The following EYA4 variants were observed in gnomAD, a reference collection of about 807,000 sequenced individuals.
EYA4 encodes the protein protein phosphatase EYA4.
Under a neutral mutation model 87.9 loss-of-function variants are expected in EYA4, and 31 were observed. That is an observed-to-expected ratio of 0.35 (90% CI 0.27 to 0.48). The LOEUF (loss-of-function observed/expected upper bound fraction) is 0.48. EYA4 is among the 20% of genes least tolerant of loss of function. The pLI, the probability that EYA4 is intolerant of heterozygous loss-of-function variation, is 0.99. For missense variants in EYA4, 678 were observed against 761.4 expected (o/e 0.89, Z 1.29); for synonymous variants, 263 against 270.6 (o/e 0.97, Z 0.28).
At chr6:133,254,103 A>G (rs1775145638) in intron 1 of EYA4, among the ~76,000 whole-genome samples, 1 of 152,092 alleles carries the variant, frequency 6.6e-6, no homozygotes, top group African/African-American at 2.4e-5. Context: ...CCAAAGTATT[A>G]CTGATTTTCT....
chr6:133,242,924 C>T (rs946274583), intron 1 of EYA4, among the ~76,000 whole-genome samples: 26 of 152,260 alleles, frequency 1.7e-4, no homozygotes, highest in African/African-American at 6.0e-4. Context: ...CACCGCGTCT[C>T]CTGCGCCTCT....
intron 2 of EYA4, among the ~76,000 whole-genome samples, chr6:133,302,643 C>T (rs1318710275): frequency 6.6e-6 from 1 of 152,172 alleles, no homozygotes; most frequent in Non-Finnish European, 1.5e-5. Context: ...CACATGCTTA[C>T]ACAACAACTT....
chr6:133,486,277 G>A (rs1395540353), intron 13 of EYA4, among the ~76,000 whole-genome samples: 1 of 151,726 alleles, frequency 6.6e-6, no homozygotes, highest in East Asian at 1.9e-4. Context: ...CAGAAAATCG[G>A]CACTGCCTTT....
chr6:133,283,976 A>G (rs1323242925), intron 2 of EYA4, among the ~76,000 whole-genome samples: 1 of 152,106 alleles, frequency 6.6e-6, no homozygotes, highest in Admixed American at 6.6e-5. Context: ...ACTTAAGATA[A>G]TGGCCTTCAG....
chr6:133,379,498 T>C (rs1476675012), intron 2 of EYA4, among the ~76,000 whole-genome samples: 3 of 152,172 alleles, frequency 2.0e-5, no homozygotes, highest in Non-Finnish European at 4.4e-5. Context: ...AATTTGAAGA[T>C]GTCATAAAAT....
chr6:133,511,355 T>C (rs1381358498), intron 14 of EYA4, among the ~76,000 whole-genome samples: 6 of 152,098 alleles, frequency 3.9e-5, no homozygotes, highest in Non-Finnish European at 8.8e-5. Context: ...CTAAGCACTA[T>C]GTATATAGTC....
At position 133,324,545 on chromosome 6, in the gene EYA4, T is replaced by C. The variant is rs140239108; in HGVS notation, c.33+49732T>C. Among the ~76,000 whole-genome samples, 87 of 152,268 alleles carry C rather than the reference T, an allele frequency of 5.7e-4. No individual in the cohort carries two copies. The Middle Eastern group carries it at 0.014, about 24-fold the overall frequency. On this transcript the variant is annotated intron_variant, in intron 2 of 19. Transcript: ENST00000355286. ...ACAATATATAACTGCAATTCCTATT[T>C]TGGTTTTATGAATTATTTTTTCTAT...
intron 19 of EYA4, among the ~76,000 whole-genome samples, chr6:133,528,192 G>A (rs1800790288): frequency 6.6e-6 from 1 of 152,126 alleles, no homozygotes; most frequent in African/African-American, 2.4e-5. Context: ...TCCCAGACAA[G>A]TAAGAAAGTT....
chr6:133,402,505 A>G (rs1788351240), intron 3 of EYA4, among the ~76,000 whole-genome samples: 1 of 152,206 alleles, frequency 6.6e-6, no homozygotes. Context: ...TTCTAAAGTG[A>G]GAATCTAGCT....
chr6:133,526,876 C>G (rs1800681947), intron 19 of EYA4, among the ~76,000 whole-genome samples: 1 of 152,174 alleles, frequency 6.6e-6, no homozygotes, highest in South Asian at 2.1e-4. Flanking sequence ...ATTTACATGT[C>G]TTTTAGCCTA....
chr6:133,243,400 T>C lies in EYA4; in HGVS notation c.-66+1651T>C, dbSNP rs539429805. ...CCTCTTCTCATCTGTGGCCACTTTG[T>C]GAACCCTCGGGTGTTTGTCAGTTTC... On this transcript the variant is annotated intron_variant, in intron 1 of 19. Transcript: ENST00000355286. Among the ~76,000 whole-genome samples, 49 of 152,302 alleles carry C rather than the reference T, an allele frequency of 3.2e-4. No homozygotes were observed. The South Asian group carries it at 9.1e-3, about 28-fold the overall frequency.
chr6:133,374,357 G>C (rs1785505052), intron 2 of EYA4, among the ~76,000 whole-genome samples: 1 of 151,862 alleles, frequency 6.6e-6, no homozygotes, highest in Admixed American at 6.6e-5. Flanking sequence ...CCCAAACCAG[G>C]GTCCTGGAAG....
chr6:133,280,411 CTTTT>C (rs999656843), intron 2 of EYA4, among the ~76,000 whole-genome samples: 1 of 151,320 alleles, frequency 6.6e-6, no homozygotes, highest in Non-Finnish European at 1.5e-5. Flanking sequence ...TTTCTTTTTT[CTTTT>C]TTTTTGTTTG....
chr6:133,380,617 A>C (rs1301954213), intron 2 of EYA4, among the ~76,000 whole-genome samples: 1 of 152,106 alleles, frequency 6.6e-6, no homozygotes, highest in Non-Finnish European at 1.5e-5. Context: ...TTCATTGGGC[A>C]GTTCATATAG....
chr6:133,357,382 T>C (rs959104007), intron 2 of EYA4, among the ~76,000 whole-genome samples: 3 of 152,146 alleles, frequency 2.0e-5, no homozygotes, highest in Non-Finnish European at 4.4e-5. Flanking sequence ...ACCTTTGTAT[T>C]ATTCTCACAA....
Position 133,529,993 on chromosome 6 carries a change from G to A in EYA4, c.*1188G>A. ...CATAAAATTCACATTGAGTGCACAG[G>A]GCTTAAAATAAAGCTAAGTATGTTT... On this transcript the variant is annotated 3_prime_UTR_variant, in exon 20 of 20. Transcript: ENST00000355286. 3 of 985,230 alleles carry A rather than the reference G, an allele frequency of 3.0e-6. No homozygotes were observed. The South Asian group carries it at 1.4e-4, about 46-fold the overall frequency. The allele number at this position is 985,230 out of a possible 1,614,324, so 61.0% of individuals were successfully genotyped here.
Position 133,482,887 on chromosome 6 carries a change from A to T in EYA4, c.1108-145A>T, listed in dbSNP as rs1342527702. 6.6e-5 allele frequency: 45 copies of T among 684,132 alleles called. No homozygotes were observed. In the East Asian group the frequency reaches 1.2e-3, roughly 18 times the overall value. 42.4% of individuals were successfully genotyped at this position (684,132 alleles called of 1,614,324 possible). On this transcript the variant is annotated intron_variant, in intron 12 of 19. Transcript: ENST00000355286. ...GCTTTATAGGAGTTAGATTTGGCAA[A>T]TTTGAAAAACAAAAAAATGAATAGT... is the stretch of plus-strand genomic sequence containing the variant.
intron 2 of EYA4, among the ~76,000 whole-genome samples, chr6:133,345,271 G>A (rs939748801): frequency 1.3e-5 from 2 of 152,092 alleles, no homozygotes; most frequent in Non-Finnish European, 2.9e-5. Context: ...CTGTTATGTG[G>A]AGGGAAAGTT....
chr6:133,437,899 A>G (rs1583278090), intron 3 of EYA4, among the ~76,000 whole-genome samples: 1 of 152,352 alleles, frequency 6.6e-6, no homozygotes, highest in East Asian at 1.9e-4. Context: ...TGAGGATTAC[A>G]GGGATTACAA....
Sources: allele counts gnomAD v4.1 joint callset (sites outside exome capture counted in the v4.1 genomes callset), GRCh38; gene constraint gnomAD v4.1.1; transcripts MANE v1.5; gene names NCBI Gene and HGNC (gene_info 2026-07-23, HGNC 2026-07-21).